Variants in CDK8 observed in about 807,000 individuals in gnomAD.
CDK8 encodes the protein cyclin dependent kinase 8, also known as cyclin-dependent kinase 8.
CDK8 carries 29 observed loss-of-function variants against 71.5 expected under a neutral mutation model. The ratio of observed to expected loss-of-function variants is 0.41; its 90% CI spans 0.30 to 0.55. The LOEUF (loss-of-function observed/expected upper bound fraction) is 0.55. Ranked by LOEUF, CDK8 falls within the 20% of genes least tolerant of loss-of-function variation. CDK8 has a pLI of 0.37. For synonymous variants in CDK8, 161 were observed against 192.1 expected (o/e 0.84, Z 1.34); for missense variants, 288 against 572.6 (o/e 0.50, Z 5.07).
intron 4 of CDK8, among the ~76,000 whole-genome samples, chr13:26,374,068 G>A (rs1043891785): frequency 6.6e-6 from 1 of 151,354 alleles, no homozygotes; most frequent in African/African-American, 2.4e-5. Context: ...GGGCGTGGTG[G>A]TGGGTGCCTG....
intron 4 of CDK8, among the ~76,000 whole-genome samples, chr13:26,357,575 C>T (rs1873946456): frequency 6.6e-6 from 1 of 152,162 alleles, no homozygotes; most frequent in Non-Finnish European, 1.5e-5. Context: ...TACCAGTCTA[C>T]TATAGTCCTG....
At chr13:26,266,897 AAAT>A (rs1872044680) in intron 1 of CDK8, among the ~76,000 whole-genome samples, 2 of 152,214 alleles carry the variant, frequency 1.3e-5, no homozygotes, top group Admixed American at 1.3e-4. Flanking sequence ...CTGATTATAA[AAAT>A]AATGACTCTT....
intron 2 of CDK8, among the ~76,000 whole-genome samples, chr13:26,345,297 A>G (rs1482934291): frequency 6.6e-6 from 1 of 152,228 alleles, no homozygotes; most frequent in Non-Finnish European, 1.5e-5. Context: ...CTTACCCAGA[A>G]TGAAGTCTTT....
At chr13:26,351,728 T>C (rs982339050) in intron 3 of CDK8, among the ~76,000 whole-genome samples, 1 of 152,188 alleles carries the variant, frequency 6.6e-6, no homozygotes, top group Non-Finnish European at 1.5e-5. Context: ...GCCAAATAAA[T>C]ATTTTTAATG....
rs372904640 is a variant in CDK8 at position 26,401,765 on chromosome 13, G to A, written c.1269+141G>A. The A allele has an allele frequency of 2.3e-6, 2 of 870,008 alleles. No homozygotes were observed. Among genetic ancestry groups the A allele is most frequent in the Admixed American group, 4.6e-5 (2 of 43,398 alleles). 53.9% of individuals were successfully genotyped at this position (870,008 alleles called of 1,614,324 possible). ...ATTAACATGAAATGTTACTGGCATG[G>A]AAAAGTACTGACAGTGGTATGGTAG... is the stretch of plus-strand genomic sequence containing the variant. On this transcript the variant is annotated intron_variant, in intron 12 of 12. Coordinates refer to ENST00000381527, the MANE Select transcript of CDK8 (RefSeq NM_001260.3). The surrounding 1 kb of genome is among the most constrained non-coding windows in gnomAD (Gnocchi z 4.5).
chr13:26,292,476 GGA>G (rs1197533700), intron 1 of CDK8, among the ~76,000 whole-genome samples: 1 of 152,182 alleles, frequency 6.6e-6, no homozygotes, highest in Non-Finnish European at 1.5e-5. Flanking sequence ...TAATAAGAAG[GGA>G]GAGAGAGTGG....
At chr13:26,291,141 A>T (rs543203449) in intron 1 of CDK8, among the ~76,000 whole-genome samples, 4 of 150,942 alleles carry the variant, frequency 2.7e-5, no homozygotes, top group African/African-American at 9.7e-5. Context: ...AAAATTCTGC[A>T]TGTTTAGGTA....
chr13:26,345,347 A>AT (rs1023889728), intron 2 of CDK8, among the ~76,000 whole-genome samples: 1 of 151,918 alleles, frequency 6.6e-6, no homozygotes, highest in South Asian at 2.1e-4. Flanking sequence ...AGATAGATGA[A>AT]TTTTTTTTAA....
intron 2 of CDK8, among the ~76,000 whole-genome samples, chr13:26,342,434 C>G (rs1269745876): frequency 6.6e-6 from 1 of 152,110 alleles, no homozygotes; most frequent in Non-Finnish European, 1.5e-5. Flanking sequence ...GGGCTCTTAC[C>G]CTGGCTCTGC....
chr13:26,266,372 C>T (rs931273748), intron 1 of CDK8, among the ~76,000 whole-genome samples: 37 of 152,032 alleles, frequency 2.4e-4, no homozygotes, highest in African/African-American at 8.2e-4. Flanking sequence ...GTATAAAGTG[C>T]GAAGAAAGAG....
intron 2 of CDK8, among the ~76,000 whole-genome samples, chr13:26,339,519 T>A (rs1434900095): frequency 2.0e-5 from 3 of 151,658 alleles, no homozygotes; most frequent in African/African-American, 7.3e-5. Flanking sequence ...CCACCAGCTT[T>A]ATTCTTTGTC....
intron 1 of CDK8, among the ~76,000 whole-genome samples, chr13:26,261,596 G>A (rs984608598): frequency 6.6e-6 from 1 of 152,108 alleles, no homozygotes; most frequent in African/African-American, 2.4e-5. Context: ...TTTATTTAAT[G>A]TAATGTTTTC....
chr13:26,279,350 AT>A (rs1373082311), intron 1 of CDK8, among the ~76,000 whole-genome samples: 1 of 152,186 alleles, frequency 6.6e-6, no homozygotes, highest in Non-Finnish European at 1.5e-5. Flanking sequence ...AAAAAAGAAA[AT>A]GTACCTTTGT....
At chr13:26,400,186 C>A in intron 9 of CDK8, 1 of 360,570 alleles carries the variant, frequency 2.8e-6, no homozygotes, top group Non-Finnish European at 5.0e-6. Flanking sequence ...TTGGATAAAG[C>A]CATTTAGATA....
chr13:26,258,227 A>G (rs1327421604), intron 1 of CDK8, among the ~76,000 whole-genome samples: 1 of 152,068 alleles, frequency 6.6e-6, no homozygotes, highest in Non-Finnish European at 1.5e-5. Context: ...CAGGTTTTTC[A>G]CTCCAGAGCC....
At chr13:26,260,502 G>A (rs944611606) in intron 1 of CDK8, among the ~76,000 whole-genome samples, 1 of 152,142 alleles carries the variant, frequency 6.6e-6, no homozygotes, top group Non-Finnish European at 1.5e-5. Context: ...ACCTCCATGA[G>A]GTGTAAGGAG....
At chr13:26,378,335 G>C (rs1309926705) in intron 4 of CDK8, among the ~76,000 whole-genome samples, 1 of 152,142 alleles carries the variant, frequency 6.6e-6, no homozygotes, top group African/African-American at 2.4e-5. Flanking sequence ...CCTCCAGCAT[G>C]ACATGCTGGA....
chr13:26,400,554 A>T lies in CDK8; in HGVS notation c.1031+4A>T. ...AAGACCCACTTCCTACATCAGAGTA[A>T]GTGGCCTAGTTGGTTAACTCATCAG... On this transcript the variant is annotated splice_donor_region_variant and intron_variant, in intron 10 of 12. Coordinates refer to ENST00000381527, the MANE Select transcript of CDK8 (RefSeq NM_001260.3). The T allele has an allele frequency of 6.4e-7, 1 of 1,569,084 alleles. No individual in the cohort carries two copies. Among genetic ancestry groups the T allele is most frequent in the Non-Finnish European group, 8.8e-7 (1 of 1,139,372 alleles).
intron 1 of CDK8, among the ~76,000 whole-genome samples, chr13:26,274,837 C>A (rs1352284002): frequency 6.6e-6 from 1 of 151,988 alleles, no homozygotes. Context: ...ATATTTATGA[C>A]TTCTTAAATG....
Sources: gnomAD v4.1 joint callset for allele counts (sites outside exome capture counted in the v4.1 genomes callset) on GRCh38, gnomAD v4.1.1 for gene constraint, Gnocchi (gnomAD v3.1) non-coding constraint, MANE v1.5 for transcripts, NCBI Gene and HGNC (gene_info 2026-07-23, HGNC 2026-07-21) for gene names.